DLGAP4: variants seen among roughly 807,000 people sequenced by gnomAD.
DLGAP4 encodes the protein DLG associated protein 4.
A neutral mutation model predicts 86.9 loss-of-function variants in DLGAP4; 18 were observed. The ratio of observed to expected loss-of-function variants is 0.21; its 90% CI spans 0.14 to 0.31. DLGAP4 has a LOEUF of 0.31. Ranked by LOEUF, DLGAP4 falls within the 10% of genes least tolerant of loss-of-function variation. DLGAP4 has a pLI of 1.00. For missense variants in DLGAP4, 1,085 were observed against 1,362.6 expected, an observed-to-expected ratio of 0.80 and a Z score of 3.21; for synonymous variants, 548 against 574.3, an observed-to-expected ratio of 0.95 and a Z score of 0.65.
intron 2 of DLGAP4, among the ~76,000 whole-genome samples, chr20:36,398,586 T>C (rs1036992639): frequency 5.9e-5 from 9 of 152,318 alleles, no homozygotes; most frequent in Admixed American, 5.9e-4. Flanking sequence ...CCAAGATCCA[T>C]TAAGCTCTTA....
chr20:36,502,645 C>T (rs2036194935), intron 10 of DLGAP4, among the ~76,000 whole-genome samples: 2 of 152,130 alleles, frequency 1.3e-5, no homozygotes, highest in Non-Finnish European at 2.9e-5. Context: ...AGCCACCACA[C>T]CCGGACAACA....
chr20:36,462,785 G>C (rs1236791379), intron 7 of DLGAP4, among the ~76,000 whole-genome samples: 1 of 152,210 alleles, frequency 6.6e-6, no homozygotes, highest in Non-Finnish European at 1.5e-5. Context: ...GGGCCTTCCT[G>C]CTCTGAGGCT....
intron 3 of DLGAP4, among the ~76,000 whole-genome samples, chr20:36,434,145 T>C (rs994902001): frequency 2.0e-5 from 3 of 151,514 alleles, no homozygotes. Flanking sequence ...GGTTTTATCA[T>C]GTTGGCCAGG....
chr20:36,436,483 G>A, intron 4 of DLGAP4, 133 bp downstream of exon 4: 3 of 1,376,336 alleles, frequency 2.2e-6, no homozygotes, highest in East Asian at 2.6e-5. Flanking sequence ...TTTGAGCCAC[G>A]CCCACTCATG....
chr20:36,507,199 G>A (rs1051713238), intron 10 of DLGAP4, among the ~76,000 whole-genome samples: 1 of 151,804 alleles, frequency 6.6e-6, no homozygotes, highest in African/African-American at 2.4e-5. Flanking sequence ...CCTGACTTGT[G>A]GGCACAAAAG....
At chr20:36,511,364 A>G (rs980798337) in intron 10 of DLGAP4, among the ~76,000 whole-genome samples, 1 of 151,868 alleles carries the variant, frequency 6.6e-6, no homozygotes, top group Non-Finnish European at 1.5e-5. Flanking sequence ...CACCATGCTC[A>G]GCTAACTTTG....
chr20:36,421,762 C>T (rs1033558800), intron 2 of DLGAP4, among the ~76,000 whole-genome samples: 8 of 151,866 alleles, frequency 5.3e-5, no homozygotes, highest in African/African-American at 1.2e-4. Context: ...CGGAGCAGGT[C>T]GGGGCGGGTG....
At chr20:36,314,194 C>T (rs1017166975) in intron 1 of DLGAP4, among the ~76,000 whole-genome samples, 1 of 151,292 alleles carries the variant, frequency 6.6e-6, no homozygotes, top group African/African-American at 2.4e-5. Context: ...GTCGACTAGA[C>T]CTGGGGCCAG....
At chr20:36,525,609 A>T in intron 11 of DLGAP4, 1 of 575,648 alleles carries the variant, frequency 1.7e-6, no homozygotes, top group Non-Finnish European at 3.1e-6. Context: ...CACATACATT[A>T]GGGACAGGAG....
At chr20:36,402,876 A>G (rs898786535) in intron 2 of DLGAP4, among the ~76,000 whole-genome samples, 2 of 152,174 alleles carry the variant, frequency 1.3e-5, no homozygotes, top group African/African-American at 4.8e-5. Context: ...TGGTGGAGGA[A>G]TTGGGCTTTT....
At chr20:36,317,541 A>C (rs1245667057) in intron 1 of DLGAP4, among the ~76,000 whole-genome samples, 1 of 143,802 alleles carries the variant, frequency 7.0e-6, no homozygotes, top group Non-Finnish European at 1.5e-5. Context: ...GCAGCCTTGA[A>C]CTTCTGGGAT....
At chr20:36,339,612 C>T (rs6127994) in intron 1 of DLGAP4, among the ~76,000 whole-genome samples, 55,690 of 152,072 alleles carry the variant, frequency 0.37, 10,580 homozygotes, top group East Asian at 0.59. Context: ...CCTCCCAAAA[C>T]GCTGGGACTG....
chr20:36,523,826 G>A (rs2037532020), intron 10 of DLGAP4, among the ~76,000 whole-genome samples: 1 of 152,098 alleles, frequency 6.6e-6, no homozygotes. Context: ...ATTATGTCCG[G>A]CTAATTTTCA....
chr20:36,441,713 G>A (rs921253266), intron 5 of DLGAP4, among the ~76,000 whole-genome samples: 1 of 151,922 alleles, frequency 6.6e-6, no homozygotes, highest in Non-Finnish European at 1.5e-5. Context: ...CAGTCTTCCT[G>A]TCTGTGTCTG....
intron 1 of DLGAP4, among the ~76,000 whole-genome samples, chr20:36,339,987 G>GCAGAGC (rs1166645956): frequency 2.0e-5 from 3 of 152,330 alleles, no homozygotes; most frequent in African/African-American, 7.2e-5. Flanking sequence ...TAAGGCAGCC[G>GCAGAGC]CAGAGCGGGG....
At chr20:36,493,628 G>A (rs1429842674) in intron 7 of DLGAP4, among the ~76,000 whole-genome samples, 1 of 152,202 alleles carries the variant, frequency 6.6e-6, no homozygotes, top group Admixed American at 6.5e-5. Context: ...GTAGGGATGT[G>A]GTGATGAGTG....
At chr20:36,467,210 A>C (rs570658937) in intron 7 of DLGAP4, among the ~76,000 whole-genome samples, 1 of 152,250 alleles carries the variant, frequency 6.6e-6, no homozygotes, top group Admixed American at 6.5e-5. Flanking sequence ...ACTGTGTGAC[A>C]CTCTGTAATT....
chr20:36,382,855 G>T (rs896608537), intron 2 of DLGAP4, among the ~76,000 whole-genome samples: 2 of 152,020 alleles, frequency 1.3e-5, no homozygotes, highest in Non-Finnish European at 2.9e-5. Context: ...TCAGCAAAAT[G>T]GGTATAATTG....
chr20:36,337,678 G>A (rs1375489767), intron 1 of DLGAP4, among the ~76,000 whole-genome samples: 4 of 152,132 alleles, frequency 2.6e-5, no homozygotes, highest in African/African-American at 7.2e-5. Flanking sequence ...TCTGGGAAGC[G>A]GGTGCTTCCC....
Sources: gnomAD v4.1 joint callset for allele counts (sites outside exome capture counted in the v4.1 genomes callset) on GRCh38, gnomAD v4.1.1 for gene constraint, MANE v1.5 for transcripts, NCBI Gene and HGNC (gene_info 2026-07-23, HGNC 2026-07-21) for gene names.